The following ATG10 variants were observed in gnomAD, a reference collection of about 807,000 sequenced individuals.
ATG10 encodes autophagy related 10, also known as ubiquitin-like-conjugating enzyme ATG10.
In ATG10, 30 loss-of-function variants were observed where a neutral mutation model predicts 32.1. That is an observed-to-expected ratio of 0.94 (90% CI 0.70 to 1.27). ATG10 has a LOEUF of 1.27. ATG10 is among the 50% of genes most tolerant of loss of function. ATG10 has a pLI of 0.00. For synonymous variants in ATG10, 87 were observed against 91.5 expected (o/e 0.95, Z 0.28); for missense variants, 233 against 262.3 (o/e 0.89, Z 0.77).
Position 82,060,194 on chromosome 5 carries a change from C to T in ATG10, c.216+1592C>T, listed in dbSNP as rs183408324. Among the ~76,000 whole-genome samples, 539 of 152,034 alleles carry T rather than the reference C, an allele frequency of 3.5e-3. 1 individual carries two copies. The highest frequency in any genetic ancestry group is 6.6e-3 in the Non-Finnish European group (448 of 67,976). On this transcript the variant is annotated intron_variant, in intron 3 of 7. Coordinates refer to ENST00000282185, the MANE Select transcript of ATG10 (RefSeq NM_031482.5). The stretch of plus-strand genomic sequence containing the variant: ...AATTTTTTTCAACATTTTTCATTTC[C>T]AACATTTTCCAATAAATTTGAAACA...
intron 2 of ATG10, among the ~76,000 whole-genome samples, chr5:82,002,774 A>G (rs1339084271): frequency 6.6e-6 from 1 of 152,082 alleles, no homozygotes; most frequent in Non-Finnish European, 1.5e-5. Context: ...AAAAACCTAC[A>G]CAGGTACCCC....
chr5:82,118,139 A>C (rs1195803899), intron 3 of ATG10, among the ~76,000 whole-genome samples: 1 of 151,648 alleles, frequency 6.6e-6, no homozygotes, highest in African/African-American at 2.4e-5. Context: ...AAAGAAAAAT[A>C]TTGATGTTAT....
intron 5 of ATG10, among the ~76,000 whole-genome samples, chr5:82,232,248 A>T (rs981085255): frequency 1.3e-5 from 2 of 152,200 alleles, no homozygotes; most frequent in African/African-American, 2.4e-5. Context: ...ATGGAAGAAA[A>T]AAAGTAAAGA....
chr5:82,155,657 T>C (rs1324555380), intron 3 of ATG10, among the ~76,000 whole-genome samples: 1 of 152,166 alleles, frequency 6.6e-6, no homozygotes, highest in Admixed American at 6.5e-5. Context: ...TTATTCAATA[T>C]GGGGAACAAA....
chr5:82,083,217 G>C (rs959917801), intron 3 of ATG10, among the ~76,000 whole-genome samples: 2 of 152,192 alleles, frequency 1.3e-5, no homozygotes, highest in Non-Finnish European at 2.9e-5. Flanking sequence ...CCACCCCTAC[G>C]GAGCCTCACT....
intron 4 of ATG10, among the ~76,000 whole-genome samples, chr5:82,166,031 A>C (rs1225747575): frequency 6.6e-6 from 1 of 152,214 alleles, no homozygotes; most frequent in South Asian, 2.1e-4. Context: ...TTGAAACATG[A>C]CTGCTTCTAG....
At chr5:82,162,060 G>T in intron 3 of ATG10, among the ~76,000 whole-genome samples, 1 of 151,848 alleles carries the variant, frequency 6.6e-6, no homozygotes, top group Non-Finnish European at 1.5e-5. Flanking sequence ...AACAGAAAGT[G>T]TTTTTTATAT....
intron 5 of ATG10, among the ~76,000 whole-genome samples, chr5:82,227,860 G>A (rs752852826): frequency 2.0e-5 from 3 of 152,184 alleles, no homozygotes; most frequent in Non-Finnish European, 4.4e-5. Flanking sequence ...ATAGGTTATT[G>A]TGGGGATTAA....
intron 5 of ATG10, among the ~76,000 whole-genome samples, chr5:82,232,619 T>C (rs932968470): frequency 6.6e-6 from 1 of 152,130 alleles, no homozygotes; most frequent in Non-Finnish European, 1.5e-5. Context: ...ATATCTCAAA[T>C]CCATTTATTT....
chr5:82,024,260 C>T (rs79363770), intron 2 of ATG10, among the ~76,000 whole-genome samples: 6,583 of 151,026 alleles, frequency 0.044, 478 homozygotes, highest in African/African-American at 0.15. Flanking sequence ...AGCTTCTTTC[C>T]GAGATGGATT....
intron 3 of ATG10, among the ~76,000 whole-genome samples, chr5:82,103,611 A>G (rs1357720961): frequency 1.3e-5 from 2 of 151,502 alleles, no homozygotes; most frequent in Non-Finnish European, 2.9e-5. Flanking sequence ...TTATGAATGT[A>G]TGCCTTGGGT....
intron 5 of ATG10, among the ~76,000 whole-genome samples, chr5:82,238,987 G>C (rs1561373747): frequency 6.6e-6 from 1 of 152,124 alleles, no homozygotes; most frequent in Non-Finnish European, 1.5e-5. Context: ...ATAGATAAGA[G>C]TTTAGAATAT....
intron 5 of ATG10, among the ~76,000 whole-genome samples, chr5:82,217,393 A>G (rs1745731582): frequency 6.6e-6 from 1 of 152,128 alleles, no homozygotes; most frequent in Admixed American, 6.5e-5. Context: ...TAGTTCATTT[A>G]CTACTTTTAT....
intron 2 of ATG10, among the ~76,000 whole-genome samples, chr5:82,014,926 C>G (rs191392869): frequency 6.6e-6 from 1 of 152,190 alleles, no homozygotes; most frequent in African/African-American, 2.4e-5. Context: ...CTAGCCTTGA[C>G]GGTCTTTACA....
chr5:82,080,324 C>A (rs559220550), intron 3 of ATG10, among the ~76,000 whole-genome samples: 81 of 152,268 alleles, frequency 5.3e-4, no homozygotes, highest in African/African-American at 1.7e-3. Context: ...CCTGTTGACT[C>A]CGATGGTAGT....
intron 2 of ATG10, among the ~76,000 whole-genome samples, chr5:81,998,260 A>G (rs1310978257): frequency 6.6e-6 from 1 of 152,224 alleles, no homozygotes; most frequent in Admixed American, 6.5e-5. Context: ...AAGAATTTAT[A>G]ATCAAGAATT....
chr5:82,075,893 C>T (rs13160765), intron 3 of ATG10, among the ~76,000 whole-genome samples: 585 of 152,226 alleles, frequency 3.8e-3, no homozygotes, highest in Middle Eastern at 6.8e-3. Context: ...TGAGATCACA[C>T]CACTGGACTC....
intron 3 of ATG10, among the ~76,000 whole-genome samples, chr5:82,125,787 A>G (rs1372767279): frequency 6.6e-6 from 1 of 152,128 alleles, no homozygotes; most frequent in African/African-American, 2.4e-5. Context: ...TGAAATTTAA[A>G]GTAGTTTTTT....
intron 2 of ATG10, among the ~76,000 whole-genome samples, chr5:82,054,831 A>G (rs1367914556): frequency 2.0e-5 from 3 of 152,214 alleles, no homozygotes; most frequent in Non-Finnish European, 4.4e-5. Flanking sequence ...CCCTGAGCTT[A>G]TGATCTAGTG....
Sources: allele counts gnomAD v4.1 joint callset (sites outside exome capture counted in the v4.1 genomes callset), GRCh38; gene constraint gnomAD v4.1.1; transcripts MANE v1.5; gene names NCBI Gene and HGNC (gene_info 2026-07-23, HGNC 2026-07-21).